The following HEPACAM variants were observed in gnomAD, a reference collection of about 807,000 sequenced individuals.
HEPACAM encodes hepatic and glial cell adhesion molecule, also known as hepatocyte cell adhesion molecule.
HEPACAM carries 18 observed loss-of-function variants against 38.3 expected under a neutral mutation model. The observed-to-expected ratio is 0.47, with a 90% CI of 0.33 to 0.70. HEPACAM has a LOEUF of 0.70. Ranked by LOEUF, HEPACAM falls within the 30% of genes least tolerant of loss-of-function variation. HEPACAM has a pLI of 0.03. For synonymous variants in HEPACAM, 216 were observed against 243.1 expected (o/e 0.89, Z 1.04); for missense variants, 466 against 563.0 (o/e 0.83, Z 1.74).
chr11:124,922,465 A>G lies in HEPACAM; in HGVS notation c.878-7T>C. The G allele has an allele frequency of 1.2e-6, 2 of 1,614,030 alleles. No homozygotes were observed. The highest frequency in any genetic ancestry group is 1.7e-6 in the Non-Finnish European group (2 of 1,179,936). ...CTTCGAGGGAGGGTGTCTGCTGCAC[A>G]GGGGAGAGAAGCGGGTGGCTGGCCC... On this transcript the variant is annotated splice_polypyrimidine_tract_variant and splice_region_variant and intron_variant, in intron 5 of 6. Coordinates refer to ENST00000298251, the MANE Select transcript of HEPACAM (RefSeq NM_152722.5).
In HEPACAM at chr11:124,920,334, T is replaced by C; in HGVS notation, c.*804A>G. Reference sequence around the variant, plus strand: ...GGCCAGGGGAGTAAGTGAAATTCACTTCTCTATAAGAATAAGCCCATCCAT... The same window carrying C: ...GGCCAGGGGAGTAAGTGAAATTCACCTCTCTATAAGAATAAGCCCATCCAT... On this transcript the variant is annotated 3_prime_UTR_variant, in exon 7 of 7. Coordinates refer to ENST00000298251, the MANE Select transcript of HEPACAM (RefSeq NM_152722.5). 6.8e-7 allele frequency: 1 copy of C among 1,467,178 alleles called. No homozygotes were observed. Among genetic ancestry groups the C allele is most frequent in the Non-Finnish European group, 9.2e-7 (1 of 1,083,098 alleles). The allele number at this position is 1,467,178 out of a possible 1,614,324, so 90.9% of individuals were successfully genotyped here. A position where few individuals can be genotyped will look rare whatever the true frequency, so the allele number is the denominator to read the frequency against.
chr11:124,935,778 G>A (rs1297169249), intron 1 of HEPACAM, 144 bp downstream of exon 1: 10 of 738,380 alleles, frequency 1.4e-5, no homozygotes, highest in Non-Finnish European at 2.4e-5. Context: ...GCTAATGCCT[G>A]AATTCCCTGA....
chr11:124,936,045 C>T lies in HEPACAM; in HGVS notation c.-39G>A. 6.4e-7 allele frequency: 1 copy of T among 1,570,510 alleles called. No individual in the cohort carries two copies. The highest frequency in any genetic ancestry group is 8.8e-7 in the Non-Finnish European group (1 of 1,141,666). ...CTCCAGCTCTAGTGCAGACAATTAG[C>T]ATGATTTCTCCACTCTGGGCACGTC... On this transcript the variant is annotated 5_prime_UTR_variant, in exon 1 of 7. An upstream start codon of the reference 5' UTR is lost. Coordinates refer to ENST00000298251, the MANE Select transcript of HEPACAM (RefSeq NM_152722.5).
At chr11:124,923,195 G>C (rs566372225) in intron 4 of HEPACAM, 145 bp downstream of exon 4, 1 of 761,736 alleles carries the variant, frequency 1.3e-6, no homozygotes, top group African/African-American at 1.7e-5. Flanking sequence ...ACAAGATGCT[G>C]GTGCATACAC....
In HEPACAM at chr11:124,922,774, T is replaced by A; in HGVS notation, c.848A>T (p.Asp283Val). The change falls in exon 5 of 7, where the codon GAT (aspartate) becomes GTT (valine). Residue 283 changes from aspartate to valine, a missense_variant. Physicochemically the swap from Asp to Val is radical, Grantham distance 152. Transcript: ENST00000298251. ...LEKQNSLEYMDQNDDRLKPEA... is the reference protein window; with the variant it reads ...LEKQNSLEYMVQNDDRLKPEA... ...TGGTTTCAGGCGGTCATCATTCTGA[T>A]CCATGTATTCCAGGGAGTTTTGCTT... The A allele has an allele frequency of 6.2e-7, 1 of 1,614,214 alleles. No homozygotes were observed. The highest frequency in any genetic ancestry group is 8.5e-7 in the Non-Finnish European group (1 of 1,180,030).
In HEPACAM at chr11:124,920,574, C is replaced by T; in HGVS notation, c.*564G>A. 2 of 1,308,808 alleles carry T rather than the reference C, an allele frequency of 1.5e-6. No individual in the cohort carries two copies. The highest frequency in any genetic ancestry group is 3.8e-5 in the East Asian group (1 of 26,598). The allele number at this position is 1,308,808 out of a possible 1,614,324, so 81.1% of individuals were successfully genotyped here. On this transcript the variant is annotated 3_prime_UTR_variant, in exon 7 of 7. Coordinates refer to ENST00000298251, the MANE Select transcript of HEPACAM (RefSeq NM_152722.5). ...GAAGAAGGCCTTCACAATGATCCCC[C>T]CAGCTCAGAACAGCCCCTGCACACC...
At chr11:124,925,895 G>A (rs1164537553) in intron 1 of HEPACAM, among the ~76,000 whole-genome samples, 3 of 152,172 alleles carry the variant, frequency 2.0e-5, no homozygotes, top group Admixed American at 1.3e-4. Flanking sequence ...CTTCTCATTT[G>A]TAAAATAAGG....
At chr11:124,927,973 A>G (rs747924844) in intron 1 of HEPACAM, among the ~76,000 whole-genome samples, 37 of 152,380 alleles carry the variant, frequency 2.4e-4, no homozygotes, top group Admixed American at 2.0e-4. Flanking sequence ...TGAATATCAT[A>G]TGCTTGCTGT....
At chr11:124,935,145 C>T (rs1947327268) in intron 1 of HEPACAM, among the ~76,000 whole-genome samples, 1 of 152,188 alleles carries the variant, frequency 6.6e-6, no homozygotes, top group Non-Finnish European at 1.5e-5. Flanking sequence ...ACCCTACCAA[C>T]ACCCCCTCCA....
At chr11:124,934,030 G>A (rs2135408369) in intron 1 of HEPACAM, among the ~76,000 whole-genome samples, 1 of 152,032 alleles carries the variant, frequency 6.6e-6, no homozygotes, top group Non-Finnish European at 1.5e-5. Context: ...CTCACCTATG[G>A]GCTAACGGCT....
At position 124,919,377 on chromosome 11, in the gene HEPACAM, A is replaced by G. The variant is rs756861875; in HGVS notation, c.*1761T>C. 2.5e-5 allele frequency: 6 copies of G among 239,538 alleles called. No homozygotes were observed. The highest frequency in any genetic ancestry group is 4.0e-5 in the Non-Finnish European group (5 of 124,542). The allele number at this position is 239,538 out of a possible 1,614,324, so 14.8% of individuals were successfully genotyped here. A position where few individuals can be genotyped will look rare whatever the true frequency, so the allele number is the denominator to read the frequency against. Reference sequence around the variant, plus strand: ...CCTTACTTACCCCTCCCCACCCCCAATTTAAGGCAGATTTGGCTTAAGCCT... The same window carrying G: ...CCTTACTTACCCCTCCCCACCCCCAGTTTAAGGCAGATTTGGCTTAAGCCT... On this transcript the variant is annotated 3_prime_UTR_variant, in exon 7 of 7. Transcript: ENST00000298251.
rs1393565659 is a variant in HEPACAM at position 124,920,988 on chromosome 11, A to T, written c.*150T>A. The T allele has an allele frequency of 3.5e-5, 48 of 1,371,246 alleles. 1 individual carries two copies. The highest frequency in any genetic ancestry group is 9.4e-7 in the Non-Finnish European group (1 of 1,066,058). The allele number at this position is 1,371,246 out of a possible 1,614,324, so 84.9% of individuals were successfully genotyped here. A position where few individuals can be genotyped will look rare whatever the true frequency, so the allele number is the denominator to read the frequency against. ...TCCGCGCACCCGCCTCCGTCTGCGCATGCTCATACACGTTCACACCCGAGA... is the reference window on the plus strand; with the variant it reads ...TCCGCGCACCCGCCTCCGTCTGCGCTTGCTCATACACGTTCACACCCGAGA... On this transcript the variant is annotated 3_prime_UTR_variant, in exon 7 of 7. Transcript: ENST00000298251.
At chr11:124,931,935 G>A (rs556468088) in intron 1 of HEPACAM, among the ~76,000 whole-genome samples, 3 of 152,168 alleles carry the variant, frequency 2.0e-5, no homozygotes, top group Admixed American at 1.3e-4. Flanking sequence ...AATAAACTAC[G>A]ACAACTTAGA....
chr11:124,925,926 C>T lies in HEPACAM; in HGVS notation c.86-857G>A, dbSNP rs193113443. Among the ~76,000 whole-genome samples, 98 of 152,266 alleles carry T rather than the reference C, an allele frequency of 6.4e-4. 1 individual carries two copies. The Middle Eastern group carries it at 0.01, about 16-fold the overall frequency. On this transcript the variant is annotated intron_variant, in intron 1 of 6. Coordinates refer to ENST00000298251, the MANE Select transcript of HEPACAM (RefSeq NM_152722.5). ...TAAGGATAATAATAACAAGGCTGGG[C>T]GCGGTGGCTCACGCCTGTAATCGCA...
Position 124,921,021 on chromosome 11 carries a change from G to A in HEPACAM, c.*117C>T, listed in dbSNP as rs1293130452. 2.1e-6 allele frequency: 3 copies of A among 1,395,906 alleles called. No homozygotes were observed. Among genetic ancestry groups the A allele is most frequent in the Non-Finnish European group, 2.8e-6 (3 of 1,078,952 alleles). The allele number at this position is 1,395,906 out of a possible 1,614,324, so 86.5% of individuals were successfully genotyped here. On this transcript the variant is annotated 3_prime_UTR_variant, in exon 7 of 7. Transcript: ENST00000298251. The surrounding 1 kb of genome is among the most constrained non-coding windows in gnomAD (Gnocchi z 4.6). ...ACACGTTCACACCCGAGACACCAGCGCCCCCCCGGGACCTCCCCTCGTCCC... is the reference window on the plus strand; with the variant it reads ...ACACGTTCACACCCGAGACACCAGCACCCCCCCGGGACCTCCCCTCGTCCC...
chr11:124,920,678 CAAAAAAAAAAAAAA>C lies in HEPACAM; in HGVS notation c.*446_*459del, dbSNP rs71042463. 1.1e-4 allele frequency: 66 copies of C among 575,250 alleles called. No individual in the cohort carries two copies. The Admixed American group carries it at 1.5e-3, about 13-fold the overall frequency. The allele number at this position is 575,250 out of a possible 1,614,324, so 35.6% of individuals were successfully genotyped here. A position where few individuals can be genotyped will look rare whatever the true frequency, so the allele number is the denominator to read the frequency against. ...AAGTGGCCTCTCTAATCTGAACTTG[CAAAAAAAAAAAAAA>C]AAAAAAAAAAAAAAAAAGTGCCCCA... On this transcript the variant is annotated 3_prime_UTR_variant, in exon 7 of 7. Coordinates refer to ENST00000298251, the MANE Select transcript of HEPACAM (RefSeq NM_152722.5).
Position 124,920,043 on chromosome 11 carries a change from C to G in HEPACAM, c.*1095G>C. The G allele has an allele frequency of 6.2e-7, 1 of 1,603,084 alleles. No individual in the cohort carries two copies. On this transcript the variant is annotated 3_prime_UTR_variant, in exon 7 of 7. Transcript: ENST00000298251. ...TTAGGGAGTCTGCCCTTTTTCTGTG[C>G]CCTGGGACCTGAGCATGTGGGAGCA...
At chr11:124,928,584 T>G (rs902102433) in intron 1 of HEPACAM, among the ~76,000 whole-genome samples, 6 of 152,166 alleles carry the variant, frequency 3.9e-5, no homozygotes, top group Admixed American at 1.3e-4. Flanking sequence ...AAAATCAAGC[T>G]GGGCACTGCT....
intron 1 of HEPACAM, among the ~76,000 whole-genome samples, chr11:124,928,194 G>A: frequency 6.6e-6 from 1 of 152,188 alleles, no homozygotes; most frequent in East Asian, 1.9e-4. Context: ...AATCCCTACT[G>A]GCTCTGCGCA....
Sources: allele counts gnomAD v4.1 joint callset (sites outside exome capture counted in the v4.1 genomes callset), GRCh38; gene constraint gnomAD v4.1.1; non-coding constraint Gnocchi (gnomAD v3.1); transcripts MANE v1.5; gene names NCBI Gene and HGNC (gene_info 2026-07-23, HGNC 2026-07-21).